Variants in SETBP1 observed in about 807,000 individuals in gnomAD.
SETBP1 encodes SET-binding protein.
In SETBP1, 9 loss-of-function variants were observed where a neutral mutation model predicts 101.0. The ratio of observed to expected loss-of-function variants is 0.09; its 90% CI spans 0.05 to 0.16. The LOEUF (loss-of-function observed/expected upper bound fraction) is 0.16, where lower values mean the gene tolerates loss of function less well. SETBP1 is among the 10% of genes least tolerant of loss of function. The probability of loss-of-function intolerance (pLI) is 1.00; values close to 1 mark genes in which losing one functional copy is unlikely to be tolerated. For synonymous variants in SETBP1, 818 were observed against 788.5 expected (o/e 1.04, Z -0.63); for missense variants, 1,858 against 2,033.8 (o/e 0.91, Z 1.66).
intron 4 of SETBP1, among the ~76,000 whole-genome samples, chr18:45,022,693 G>T (rs1191831473): frequency 6.6e-6 from 1 of 152,178 alleles, no homozygotes; most frequent in African/African-American, 2.4e-5. Context: ...AGCCAGGCAT[G>T]GTGGCAGGTG....
chr18:44,801,614 G>A (rs1881833651), intron 2 of SETBP1, among the ~76,000 whole-genome samples: 1 of 152,294 alleles, frequency 6.6e-6, no homozygotes, highest in Non-Finnish European at 1.5e-5. Context: ...ATTTGTGTGT[G>A]TGTTTCTCAA....
chr18:44,828,211 A>G (rs1005649947), intron 2 of SETBP1, among the ~76,000 whole-genome samples: 2 of 152,154 alleles, frequency 1.3e-5, no homozygotes, highest in Non-Finnish European at 2.9e-5. Context: ...TAATTTATGT[A>G]GCTGATTGTT....
In SETBP1 at chr18:44,951,269, G is replaced by A. The variant is rs1440888213; in HGVS notation, c.1929G>A (p.Met643Ile). Residue 643 changes from methionine to isoleucine, a missense_variant, in exon 4 of 6, where the codon ATG becomes ATA. Physicochemically the swap from Met to Ile is conservative, Grantham distance 10. Transcript: ENST00000649279. The surrounding 1 kb of genome is among the most constrained non-coding windows in gnomAD (Gnocchi z 7.8). The stretch of plus-strand genomic sequence containing the variant: ...TAGTGCCGGGAGAGGACAAACCCAT[G>A]AGCGAGATGAAATTTCACAAGAAAG... ...AQLVPGEDKP[M>I]SEMKFHKKVG... 36 of 1,613,694 alleles carry A rather than the reference G, an allele frequency of 2.2e-5. No homozygotes were observed. Among genetic ancestry groups the A allele is most frequent in the East Asian group, 4.5e-5 (2 of 44,894 alleles).
At chr18:45,038,717 T>C (rs1341780934) in intron 5 of SETBP1, 62 bp downstream of exon 5, 56 of 1,565,070 alleles carry the variant, frequency 3.6e-5, no homozygotes, top group Non-Finnish European at 4.9e-5. Context: ...GAAAGCCCAC[T>C]GAGAATGGCC....
chr18:45,028,373 G>A (rs1326720436), intron 4 of SETBP1, among the ~76,000 whole-genome samples: 2 of 151,982 alleles, frequency 1.3e-5, no homozygotes, highest in African/African-American at 4.8e-5. Flanking sequence ...GTATTCCATG[G>A]TGTATATGTG....
chr18:44,770,696 A>G (rs563132389), intron 2 of SETBP1, among the ~76,000 whole-genome samples: 1 of 152,358 alleles, frequency 6.6e-6, no homozygotes, highest in Non-Finnish European at 1.5e-5. Flanking sequence ...CTTCAATTGT[A>G]GGTGATAACT....
chr18:44,747,960 G>C (rs1404627519), intron 2 of SETBP1, among the ~76,000 whole-genome samples: 2 of 152,182 alleles, frequency 1.3e-5, no homozygotes, highest in Non-Finnish European at 2.9e-5. Context: ...AGAGAGCATA[G>C]GTCAGGTTGT....
At chr18:44,832,482 C>G (rs2072395997) in intron 2 of SETBP1, among the ~76,000 whole-genome samples, 2 of 152,236 alleles carry the variant, frequency 1.3e-5, no homozygotes, top group South Asian at 4.1e-4. Context: ...TCAGGGCGAG[C>G]CCCTCTAGCT....
intron 2 of SETBP1, among the ~76,000 whole-genome samples, chr18:44,819,130 TGGG>T (rs1186276765): frequency 6.7e-6 from 1 of 149,368 alleles, no homozygotes; most frequent in East Asian, 2.0e-4. Context: ...TACTTGAGAG[TGGG>T]AGTAGACTTC....
intron 5 of SETBP1, among the ~76,000 whole-genome samples, chr18:45,050,869 G>A (rs772027266): frequency 6.6e-6 from 1 of 152,162 alleles, no homozygotes; most frequent in Non-Finnish European, 1.5e-5. Context: ...TCTCCTCCAG[G>A]GCATCTTCTT....
chr18:45,010,484 A>AT (rs1179645508), intron 4 of SETBP1, among the ~76,000 whole-genome samples: 2 of 152,312 alleles, frequency 1.3e-5, no homozygotes, highest in African/African-American at 2.4e-5. Context: ...GTGTCATGAC[A>AT]TTTTTTGGAT....
chr18:44,723,146 C>G (rs2069635680), intron 2 of SETBP1, among the ~76,000 whole-genome samples: 1 of 152,140 alleles, frequency 6.6e-6, no homozygotes, highest in Non-Finnish European at 1.5e-5. Flanking sequence ...GTTAATTGGA[C>G]AAAATTTCCC....
At chr18:44,801,461 CA>C (rs1227866820) in intron 2 of SETBP1, among the ~76,000 whole-genome samples, 1 of 152,114 alleles carries the variant, frequency 6.6e-6, no homozygotes, top group East Asian at 1.9e-4. Context: ...TTGACAGGGA[CA>C]TGACTGCCTT....
Position 44,951,038 on chromosome 18 carries a change from A to T in SETBP1, c.1698A>T (p.Pro566=). ...CCCCGTCTGCATATCCCATCACCCC[A>T]TCCAGCCCTCTCTACACCAACACAG... ...LEPPSAYPIT[P]SSPLYTNTDS... Residue 566 remains proline, a synonymous_variant, in exon 4 of 6, where the codon CCA becomes CCT. Coordinates refer to ENST00000649279, the MANE Select transcript of SETBP1 (RefSeq NM_015559.3). This position sits in a 1 kb window ranked among gnomAD's most constrained non-coding sequence, Gnocchi z 7.8. 1 of 1,613,942 alleles carries T rather than the reference A, an allele frequency of 6.2e-7. No individual in the cohort carries two copies. The highest frequency in any genetic ancestry group is 1.1e-5 in the South Asian group (1 of 91,068).
At chr18:44,799,838 C>T (rs1228440536) in intron 2 of SETBP1, among the ~76,000 whole-genome samples, 1 of 152,122 alleles carries the variant, frequency 6.6e-6, no homozygotes, top group Non-Finnish European at 1.5e-5. Flanking sequence ...GCTGGTGCCC[C>T]TTCTTGGCTA....
chr18:45,022,127 A>C (rs750069393), intron 4 of SETBP1, among the ~76,000 whole-genome samples: 2 of 152,152 alleles, frequency 1.3e-5, no homozygotes, highest in Non-Finnish European at 2.9e-5. Context: ...TAGAGAACAA[A>C]CCACCTCTTT....
intron 2 of SETBP1, among the ~76,000 whole-genome samples, chr18:44,730,502 G>A (rs1416312420): frequency 6.6e-6 from 1 of 152,200 alleles, no homozygotes; most frequent in Non-Finnish European, 1.5e-5. Context: ...CTCTTTTCTT[G>A]ACCCTGGACT....
At chr18:44,792,681 CACAG>C (rs1463779269) in intron 2 of SETBP1, among the ~76,000 whole-genome samples, 16 of 152,224 alleles carry the variant, frequency 1.1e-4, no homozygotes, top group African/African-American at 3.9e-4. Context: ...ATGCACACCA[CACAG>C]ACAAAGTAGG....
intron 2 of SETBP1, among the ~76,000 whole-genome samples, chr18:44,728,995 A>T (rs960624545): frequency 6.6e-6 from 1 of 152,184 alleles, no homozygotes; most frequent in African/African-American, 2.4e-5. Flanking sequence ...TTACATGTGT[A>T]TTTCAAGTAG....
Sources: gnomAD v4.1 joint callset for allele counts (sites outside exome capture counted in the v4.1 genomes callset) on GRCh38, gnomAD v4.1.1 for gene constraint, Gnocchi (gnomAD v3.1) non-coding constraint, MANE v1.5 for transcripts, NCBI Gene and HGNC (gene_info 2026-07-23, HGNC 2026-07-21) for gene names.